Variants in CNTNAP2 observed in about 807,000 individuals in gnomAD.
CNTNAP2 encodes the protein contactin-associated protein-like 2.
In CNTNAP2, 98 loss-of-function variants were observed where a neutral mutation model predicts 155.2. The ratio of observed to expected loss-of-function variants is 0.63; its 90% CI spans 0.54 to 0.75. The LOEUF is 0.75. Among genes scored for constraint, CNTNAP2 ranks in the 30% least tolerant of loss-of-function variants. CNTNAP2 has a pLI of 0.00. For synonymous variants in CNTNAP2, 651 were observed against 631.2 expected, an observed-to-expected ratio of 1.03 and a Z score of -0.47; for missense variants, 1,727 against 1,688.1, an observed-to-expected ratio of 1.02 and a Z score of -0.40.
chr7:148,132,544 T>C (rs1376208602), intron 16 of CNTNAP2, among the ~76,000 whole-genome samples: 1 of 152,192 alleles, frequency 6.6e-6, no homozygotes, highest in Non-Finnish European at 1.5e-5. Context: ...AGCTCTGCTG[T>C]TGCTGTAGTT....
chr7:147,276,224 ATTT>A (rs34167627), intron 8 of CNTNAP2, among the ~76,000 whole-genome samples: 15 of 148,012 alleles, frequency 1.0e-4, no homozygotes, highest in Non-Finnish European at 1.5e-5. Flanking sequence ...CTCCTCCTTA[ATTT>A]TTTTTTTTTG....
chr7:146,715,129 G>A (rs1455842917), intron 1 of CNTNAP2, among the ~76,000 whole-genome samples: 2 of 152,164 alleles, frequency 1.3e-5, no homozygotes, highest in East Asian at 1.9e-4. Flanking sequence ...TCACGAGTTC[G>A]AGAGTAGCTT....
At chr7:146,186,800 T>C (rs1463505374) in intron 1 of CNTNAP2, among the ~76,000 whole-genome samples, 1 of 152,176 alleles carries the variant, frequency 6.6e-6, no homozygotes, top group Non-Finnish European at 1.5e-5. Context: ...GCATCCTTTA[T>C]TTTTGGAACC....
intron 21 of CNTNAP2, among the ~76,000 whole-genome samples, chr7:148,326,609 G>C (rs1410336715): frequency 6.6e-6 from 1 of 152,122 alleles, no homozygotes; most frequent in Non-Finnish European, 1.5e-5. Context: ...GCTCACGCCT[G>C]TAATCCCAGC....
chr7:147,186,212 C>T (rs563207843), intron 8 of CNTNAP2, among the ~76,000 whole-genome samples: 1 of 152,134 alleles, frequency 6.6e-6, no homozygotes, highest in African/African-American at 2.4e-5. Context: ...AATGCTTACA[C>T]TAAATTCTCT....
At chr7:146,419,395 T>C (rs1563076753) in intron 1 of CNTNAP2, among the ~76,000 whole-genome samples, 2 of 152,056 alleles carry the variant, frequency 1.3e-5, no homozygotes, top group Non-Finnish European at 2.9e-5. Context: ...AGCCAAACCA[T>C]ATCACCTTTG....
chr7:147,763,821 T>C (rs1206193816), intron 13 of CNTNAP2, among the ~76,000 whole-genome samples: 1 of 152,104 alleles, frequency 6.6e-6, no homozygotes, highest in Non-Finnish European at 1.5e-5. Flanking sequence ...AGAATATTCT[T>C]GCTTGCTGGA....
chr7:147,609,099 A>C (rs1801130425), intron 12 of CNTNAP2, among the ~76,000 whole-genome samples: 1 of 152,202 alleles, frequency 6.6e-6, no homozygotes, highest in Non-Finnish European at 1.5e-5. Flanking sequence ...GAGGCCTGAC[A>C]GGCATAATAT....
chr7:146,970,524 C>G (rs1797764127), intron 3 of CNTNAP2, among the ~76,000 whole-genome samples: 1 of 152,156 alleles, frequency 6.6e-6, no homozygotes, highest in Non-Finnish European at 1.5e-5. Context: ...CCATCCCACA[C>G]CAGTTAGAAT....
intron 1 of CNTNAP2, among the ~76,000 whole-genome samples, chr7:146,157,692 C>A (rs866017125): frequency 6.6e-6 from 1 of 152,264 alleles, no homozygotes; most frequent in African/African-American, 2.4e-5. Context: ...GGGGGAGGGG[C>A]GTCTGCCACT....
chr7:146,234,971 C>T (rs1020918160), intron 1 of CNTNAP2, among the ~76,000 whole-genome samples: 5 of 152,110 alleles, frequency 3.3e-5, no homozygotes, highest in East Asian at 3.9e-4. Context: ...GAGGTGGATC[C>T]GTACACAATA....
intron 1 of CNTNAP2, among the ~76,000 whole-genome samples, chr7:146,239,452 C>T (rs1321621446): frequency 3.9e-5 from 6 of 152,154 alleles, no homozygotes; most frequent in Middle Eastern, 6.8e-3. Flanking sequence ...AGTTAGTGAA[C>T]CCTTAGGCAC....
chr7:146,432,595 A>G lies in CNTNAP2; in HGVS notation c.97+315622A>G, dbSNP rs573210637. On this transcript the variant is annotated intron_variant, in intron 1 of 23. Transcript: ENST00000361727. ...CATTCTAGTGGAAGGAATGCTAGCC[A>G]GGTAGAAAATGAGGGTTCTAAAAAA... 6.6e-5 allele frequency among the ~76,000 whole-genome samples: 10 copies of G among 152,260 alleles called. No homozygotes were observed. In the South Asian group the frequency reaches 2.1e-3, roughly 31 times the overall value.
At chr7:148,150,054 T>C (rs1805266917) in intron 17 of CNTNAP2, among the ~76,000 whole-genome samples, 1 of 147,368 alleles carries the variant, frequency 6.8e-6, no homozygotes, top group African/African-American at 2.5e-5. Context: ...TTGTGAAATA[T>C]TGTTCGGCAA....
intron 8 of CNTNAP2, among the ~76,000 whole-genome samples, chr7:147,168,177 TATAA>T (rs1802157452): frequency 6.7e-6 from 1 of 149,994 alleles, no homozygotes; most frequent in Admixed American, 6.7e-5. Flanking sequence ...ATAATAGATA[TATAA>T]ATACATATAT....
chr7:147,854,261 A>G lies in CNTNAP2; in HGVS notation c.2099-49304A>G, dbSNP rs192106000. Among the ~76,000 whole-genome samples, 12 of 152,300 alleles carry G rather than the reference A, an allele frequency of 7.9e-5. No homozygotes were observed. The East Asian group carries it at 2.3e-3, about 29-fold the overall frequency. On this transcript the variant is annotated intron_variant, in intron 13 of 23. Coordinates refer to ENST00000361727, the MANE Select transcript of CNTNAP2 (RefSeq NM_014141.6). ...ACAATATAAGCTCATGTGCAATGAA[A>G]TAGCAGACTTATTGGAAATGATTAC...
At chr7:148,336,504 G>T (rs1362968272) in intron 21 of CNTNAP2, among the ~76,000 whole-genome samples, 2 of 150,152 alleles carry the variant, frequency 1.3e-5, no homozygotes. Context: ...TGTGAGTACT[G>T]ACTGGCTCCT....
At chr7:146,872,105 AAG>A (rs1448793718) in intron 3 of CNTNAP2, among the ~76,000 whole-genome samples, 1 of 152,084 alleles carries the variant, frequency 6.6e-6, no homozygotes, top group Non-Finnish European at 1.5e-5. Context: ...TAGAAAGAAA[AAG>A]AGTTAATTAC....
At chr7:146,727,800 A>G (rs142425685) in intron 1 of CNTNAP2, among the ~76,000 whole-genome samples, 1 of 152,182 alleles carries the variant, frequency 6.6e-6, no homozygotes, top group Admixed American at 6.5e-5. Flanking sequence ...CTCTGTAAAT[A>G]TGTAGGTCAG....
Sources: allele counts gnomAD v4.1 joint callset (sites outside exome capture counted in the v4.1 genomes callset), GRCh38; gene constraint gnomAD v4.1.1; transcripts MANE v1.5; gene names NCBI Gene and HGNC (gene_info 2026-07-23, HGNC 2026-07-21).